The following PARD3B variants were observed in gnomAD, a reference collection of about 807,000 sequenced individuals.
The protein encoded by PARD3B is par-3 family cell polarity regulator beta, also known as partitioning defective 3 homolog B.
A neutral mutation model predicts 130.2 loss-of-function variants in PARD3B; 103 were observed. The observed-to-expected ratio is 0.79, with a 90% CI of 0.67 to 0.93. PARD3B has a LOEUF of 0.93. Ranked by LOEUF, PARD3B falls within the 40% of genes least tolerant of loss-of-function variation. The pLI, the probability that PARD3B is intolerant of heterozygous loss-of-function variation, is 0.00. For missense variants in PARD3B, 1,609 were observed against 1,499.2 expected (o/e 1.07, Z -1.21); for synonymous variants, 583 against 553.2 (o/e 1.05, Z -0.76).
intron 18 of PARD3B, among the ~76,000 whole-genome samples, chr2:205,308,657 T>C (rs2042272560): frequency 6.8e-6 from 1 of 147,730 alleles, no homozygotes; most frequent in Non-Finnish European, 1.5e-5. Context: ...AAGCAAAATA[T>C]TACATAAACA....
Position 205,572,120 on chromosome 2 carries a change from C to T in PARD3B, c.3260+18717C>T, listed in dbSNP as rs2053579576. Among the ~76,000 whole-genome samples, 1 of 152,166 alleles carries T rather than the reference C, an allele frequency of 6.6e-6. No homozygotes were observed. Among genetic ancestry groups the T allele is most frequent in the South Asian group, 2.1e-4 (1 of 4,822 alleles). On this transcript the variant is annotated intron_variant, in intron 22 of 22. Transcript: ENST00000406610. This position sits in a 1 kb window ranked among gnomAD's most constrained non-coding sequence, Gnocchi z 4.2. ...GATTCATTCATTCAGTAAACTTTTA[C>T]ATAAATACTACTATATAGCCAGCAC... is the stretch of plus-strand genomic sequence containing the variant.
chr2:205,471,942 T>C (rs1257584212), intron 20 of PARD3B, among the ~76,000 whole-genome samples: 2 of 152,162 alleles, frequency 1.3e-5, no homozygotes, highest in African/African-American at 4.8e-5. Flanking sequence ...AGTAACCCAG[T>C]GATCCTAGAG....
chr2:205,237,832 A>G (rs973696783), intron 15 of PARD3B, among the ~76,000 whole-genome samples: 21 of 152,174 alleles, frequency 1.4e-4, no homozygotes, highest in African/African-American at 4.8e-4. Context: ...CAAGTGAATT[A>G]TATTTATTCC....
At chr2:204,749,422 C>G (rs939329921) in intron 2 of PARD3B, among the ~76,000 whole-genome samples, 6 of 152,020 alleles carry the variant, frequency 3.9e-5, no homozygotes, top group African/African-American at 1.2e-4. Context: ...GGATATCTCA[C>G]AATATTAGTA....
chr2:205,035,298 G>C (rs749263683), intron 3 of PARD3B, among the ~76,000 whole-genome samples: 1 of 152,084 alleles, frequency 6.6e-6, no homozygotes, highest in Non-Finnish European at 1.5e-5. Context: ...GACATATAAA[G>C]GGCTTCACAC....
At chr2:205,163,935 T>G (rs2034653325) in intron 11 of PARD3B, among the ~76,000 whole-genome samples, 2 of 152,224 alleles carry the variant, frequency 1.3e-5, no homozygotes, top group South Asian at 4.1e-4. Context: ...TGGTAGTCAG[T>G]GACTTCTAAG....
chr2:205,231,371 G>T (rs902431555), intron 15 of PARD3B, among the ~76,000 whole-genome samples: 2 of 150,668 alleles, frequency 1.3e-5, no homozygotes, highest in African/African-American at 4.9e-5. Context: ...CTGTTGCCCA[G>T]TCTGGAGTAC....
intron 3 of PARD3B, among the ~76,000 whole-genome samples, chr2:205,023,829 T>C (rs889664033): frequency 6.6e-6 from 1 of 152,108 alleles, no homozygotes; most frequent in East Asian, 1.9e-4. Flanking sequence ...AAAAAACAGA[T>C]GTGTATTTAC....
chr2:204,682,440 G>T (rs1352708937), intron 1 of PARD3B, among the ~76,000 whole-genome samples: 1 of 152,116 alleles, frequency 6.6e-6, no homozygotes, highest in East Asian at 1.9e-4. Flanking sequence ...AGTACCTATA[G>T]TACCTGACCT....
chr2:205,386,321 AT>A lies in PARD3B; in HGVS notation c.2631-14691del, dbSNP rs561945299. ...AGGAGAGCCTGTGGTAATGGAAAAGATCCAAGTTAACTGGCCCACACAGGGG... is the reference window on the plus strand; with the variant it reads ...AGGAGAGCCTGTGGTAATGGAAAAGACCAAGTTAACTGGCCCACACAGGGG... On this transcript the variant is annotated intron_variant, in intron 18 of 22. Transcript: ENST00000406610. Among the ~76,000 whole-genome samples, 392 of 152,310 alleles carry A rather than the reference AT, an allele frequency of 2.6e-3. 5 individuals are homozygous for A. Among genetic ancestry groups the A allele is most frequent in the African/African-American group, 8.8e-3 (365 of 41,576 alleles).
At chr2:204,719,327 A>G (rs2038887938) in intron 2 of PARD3B, among the ~76,000 whole-genome samples, 1 of 152,340 alleles carries the variant, frequency 6.6e-6, no homozygotes, top group African/African-American at 2.4e-5. Context: ...GGATTAGCAA[A>G]CAGTTGAGGA....
chr2:204,802,239 A>G (rs2042597376), intron 2 of PARD3B, among the ~76,000 whole-genome samples: 1 of 152,224 alleles, frequency 6.6e-6, no homozygotes, highest in Admixed American at 6.5e-5. Flanking sequence ...CATATGAACA[A>G]AAGCTCATCA....
At chr2:205,378,301 G>A (rs1365800761) in intron 18 of PARD3B, among the ~76,000 whole-genome samples, 1 of 152,140 alleles carries the variant, frequency 6.6e-6, no homozygotes, top group East Asian at 1.9e-4. Flanking sequence ...GTAAACTACT[G>A]ATCTCAGTGC....
intron 22 of PARD3B, among the ~76,000 whole-genome samples, chr2:205,583,534 T>G (rs2054081763): frequency 6.6e-6 from 1 of 152,214 alleles, no homozygotes; most frequent in Non-Finnish European, 1.5e-5. Context: ...GACTGCTCAT[T>G]GTGTGCTAGG....
chr2:204,677,937 G>A lies in PARD3B; in HGVS notation c.121-8244G>A, dbSNP rs1034642275. On this transcript the variant is annotated intron_variant, in intron 1 of 22. Coordinates refer to ENST00000406610, the MANE Select transcript of PARD3B (RefSeq NM_001302769.2). This position sits in a 1 kb window ranked among gnomAD's most constrained non-coding sequence, Gnocchi z 4.1. ...CTTTTTGGTGGTCTTCATTTGTTTA[G>A]CTGTAGAGATGGCATGTGCAAAAGG... 6.6e-6 allele frequency among the ~76,000 whole-genome samples: 1 copy of A among 152,166 alleles called. No homozygotes were observed. Among genetic ancestry groups the A allele is most frequent in the African/African-American group, 2.4e-5 (1 of 41,426 alleles).
chr2:205,416,406 G>C (rs2046776794), intron 19 of PARD3B, among the ~76,000 whole-genome samples: 1 of 152,090 alleles, frequency 6.6e-6, no homozygotes, highest in Admixed American at 6.6e-5. Context: ...TTCATGCTGT[G>C]TATAAAAGGA....
intron 2 of PARD3B, among the ~76,000 whole-genome samples, chr2:204,753,822 G>A (rs1219591806): frequency 6.6e-6 from 1 of 152,156 alleles, no homozygotes; most frequent in Non-Finnish European, 1.5e-5. Flanking sequence ...GGAGGCTGAA[G>A]AAGGAGGATT....
At chr2:205,506,219 G>A (rs1161938018) in intron 21 of PARD3B, among the ~76,000 whole-genome samples, 2 of 152,140 alleles carry the variant, frequency 1.3e-5, no homozygotes, top group African/African-American at 2.4e-5. Context: ...TGTAGTCCCA[G>A]CTACTTGGGA....
chr2:205,003,255 G>A (rs1177374872), intron 3 of PARD3B, among the ~76,000 whole-genome samples: 1 of 152,184 alleles, frequency 6.6e-6, no homozygotes, highest in African/African-American at 2.4e-5. Flanking sequence ...ATCCAGGACA[G>A]TCTTCCTCTG....
Sources: allele counts gnomAD v4.1 joint callset (sites outside exome capture counted in the v4.1 genomes callset), GRCh38; gene constraint gnomAD v4.1.1; non-coding constraint Gnocchi (gnomAD v3.1); transcripts MANE v1.5; gene names NCBI Gene and HGNC (gene_info 2026-07-23, HGNC 2026-07-21).